NPIPB2: variants seen among roughly 807,000 people sequenced by gnomAD.
The protein encoded by NPIPB2 is nuclear pore complex interacting protein family member B2, also known as nuclear pore complex-interacting protein family member B2.
A neutral mutation model predicts 30.8 loss-of-function variants in NPIPB2; 27 were observed. That is an observed-to-expected ratio of 0.88 (90% confidence interval 0.65 to 1.21). The LOEUF (loss-of-function observed/expected upper bound fraction) is 1.21. Among genes scored for constraint, NPIPB2 ranks in the 50% most tolerant of loss-of-function variants. The probability of loss-of-function intolerance (pLI) is 0.00; values close to 1 mark genes in which losing one functional copy is unlikely to be tolerated. For synonymous variants in NPIPB2, 147 were observed against 162.0 expected (o/e 0.91, Z 0.70); for missense variants, 440 against 446.2 (o/e 0.99, Z 0.13).
At chr16:11,966,496 G>A (rs1393603289) in intron 1 of NPIPB2, among the ~76,000 whole-genome samples, 1 of 152,154 alleles carries the variant, frequency 6.6e-6, no homozygotes, top group African/African-American at 2.4e-5. Flanking sequence ...TGGTAGAGGT[G>A]AGCCATCTTC....
upstream of NPIPB2, among the ~76,000 whole-genome samples, chr16:11,945,804 G>C (rs1431800899): frequency 2.0e-5 from 3 of 152,002 alleles, no homozygotes; most frequent in Non-Finnish European, 4.4e-5. Context: ...TCAGCCCATG[G>C]GTTCTATGTT....
At chr16:11,971,310 C>T (rs2055234218) in intron 1 of NPIPB2, among the ~76,000 whole-genome samples, 1 of 152,108 alleles carries the variant, frequency 6.6e-6, no homozygotes, top group African/African-American at 2.4e-5. Context: ...TCTGAGAACA[C>T]ATACCCTAGG....
intron 1 of NPIPB2, among the ~76,000 whole-genome samples, chr16:11,972,544 C>T (rs2055242196): frequency 1.3e-5 from 2 of 151,726 alleles, no homozygotes; most frequent in Non-Finnish European, 2.9e-5. Flanking sequence ...CACTGCACTC[C>T]AGCATGAGTA....
Position 11,967,425 on chromosome 16 carries a change from G to C in NPIPB2, c.-584+9143C>G, listed in dbSNP as rs1318447774. Reference sequence around the variant, plus strand: ...GCTTGAGCCCAGGAGTTTGAATGCAGCCTGGGCAACACAGTAAGACCCCAC... The same window carrying C: ...GCTTGAGCCCAGGAGTTTGAATGCACCCTGGGCAACACAGTAAGACCCCAC... On this transcript the variant is annotated intron_variant, in intron 1 of 5. Transcript: ENST00000538896. 7 of 800,740 alleles carry C rather than the reference G, an allele frequency of 8.7e-6. No individual in the cohort carries two copies. In the Admixed American group the frequency reaches 1.1e-4, roughly 13 times the overall value. 49.6% of individuals were successfully genotyped at this position (800,740 alleles called of 1,614,324 possible).
chr16:11,959,736 G>A (rs528151846), intron 1 of NPIPB2, among the ~76,000 whole-genome samples: 11 of 152,162 alleles, frequency 7.2e-5, no homozygotes, highest in East Asian at 1.9e-4. Context: ...AAAAGTCTCC[G>A]TTTATGTCTG....
intron 1 of NPIPB2, 140 bp downstream of exon 1, chr16:11,941,843 T>A (rs1408619461): frequency 8.8e-7 from 1 of 1,134,722 alleles, no homozygotes. Context: ...CAAACCTGAT[T>A]TCTGGTCCTC....
chr16:11,974,416 C>A (rs541070113), intron 1 of NPIPB2, among the ~76,000 whole-genome samples: 1 of 152,254 alleles, frequency 6.6e-6, no homozygotes, highest in South Asian at 2.1e-4. Flanking sequence ...ACTCGGGAGG[C>A]TGAGGCAGGA....
At chr16:11,976,477 GC>G (rs2055299087) in intron 1 of NPIPB2, 1 of 319,548 alleles carries the variant, frequency 3.1e-6, no homozygotes, top group East Asian at 4.9e-5. Flanking sequence ...GGACGAAGTC[GC>G]CCCATCACTC....
chr16:11,933,999 G>A lies in NPIPB2; in HGVS notation c.193-75C>T, dbSNP rs1261128636. 3.7e-5 allele frequency: 44 copies of A among 1,181,756 alleles called. No homozygotes were observed. The Admixed American group carries it at 6.3e-4, about 17-fold the overall frequency. The allele number at this position is 1,181,756 out of a possible 1,614,324, so 73.2% of individuals were successfully genotyped here. ...TATAATCCCAGTACTTTGGGAGGCC[G>A]AGGCAGGTGGATCACGGGGTCAGGA... is the stretch of plus-strand genomic sequence containing the variant. On this transcript the variant is annotated intron_variant, in intron 2 of 7. Transcript: ENST00000399147.
At chr16:11,959,481 C>T (rs7190636) in intron 1 of NPIPB2, among the ~76,000 whole-genome samples, 20,742 of 151,692 alleles carry the variant, frequency 0.14, 2,268 homozygotes, top group African/African-American at 0.28. Context: ...TCCTAGCTAC[C>T]TGAGAGGCTG....
At chr16:11,941,612 G>A (rs1352247960) in intron 1 of NPIPB2, among the ~76,000 whole-genome samples, 2 of 43,490 alleles carry the variant, frequency 4.6e-5, no homozygotes, top group Middle Eastern at 0.012. Context: ...GGGAGACAAA[G>A]GTTCTGCTAT....
rs934487980 is a variant in NPIPB2, at chr16:11,969,823, C to T, written c.-584+6745G>A. ...TCTAACCCTTATATAGTCTTACTAA[C>T]GTGCCAGGGACTGTTCTAAGTGCTT... On this transcript the variant is annotated intron_variant, in intron 1 of 5. Coordinates refer to the NPIPB2 transcript ENST00000538896. Among the ~76,000 whole-genome samples the T allele has an allele frequency of 5.3e-5, 8 of 152,234 alleles. No homozygotes were observed. In the East Asian group the frequency reaches 5.8e-4, roughly 11 times the overall value.
chr16:11,953,826 C>T (rs2055088653), intron 1 of NPIPB2, among the ~76,000 whole-genome samples: 2 of 149,870 alleles, frequency 1.3e-5, no homozygotes, highest in Admixed American at 1.4e-4. Context: ...CAGGCGCACA[C>T]TAACATGCCT....
chr16:11,960,447 C>T (rs972705967), intron 1 of NPIPB2, among the ~76,000 whole-genome samples: 1 of 150,894 alleles, frequency 6.6e-6, no homozygotes, highest in Non-Finnish European at 1.5e-5. Flanking sequence ...ACCTCTGCCT[C>T]CCAGGTTCAA....
chr16:11,948,165 T>G (rs2055030291), intron 1 of NPIPB2, among the ~76,000 whole-genome samples: 1 of 151,010 alleles, frequency 6.6e-6, no homozygotes. Context: ...TGGGACTGAG[T>G]GGTTTCCTGG....
intron 1 of NPIPB2, chr16:11,967,061 C>T (rs137936771): frequency 4.1e-5 from 9 of 219,728 alleles, no homozygotes; most frequent in African/African-American, 1.2e-4. Flanking sequence ...AGTGCAGTGG[C>T]GTGATCTCAA....
At chr16:11,967,432 C>A in intron 1 of NPIPB2, 2 of 849,054 alleles carry the variant, frequency 2.4e-6, no homozygotes, top group South Asian at 3.5e-5. Flanking sequence ...GCAGCCTGGG[C>A]AACACAGTAA....
Position 11,947,569 on chromosome 16 carries a change from C to T in NPIPB2, c.-583-5455G>A, listed in dbSNP as rs2055024500. Among the ~76,000 whole-genome samples, 4 of 151,868 alleles carry T rather than the reference C, an allele frequency of 2.6e-5. No individual in the cohort carries two copies. In the South Asian group the frequency reaches 8.3e-4, roughly 32 times the overall value. On this transcript the variant is annotated intron_variant, in intron 1 of 5. Transcript: ENST00000538896. The stretch of plus-strand genomic sequence containing the variant: ...CCGTATTAGCCAGGAGGGTCTCAAT[C>T]TCCTGACCTCGTGATCTGCCCACCT...
chr16:11,963,658 C>T (rs1346097569), intron 1 of NPIPB2, among the ~76,000 whole-genome samples: 1 of 152,146 alleles, frequency 6.6e-6, no homozygotes, highest in African/African-American at 2.4e-5. Context: ...TAGGAGTTTG[C>T]CATTTCCTCA....
Sources: gnomAD v4.1 joint callset for allele counts (sites outside exome capture counted in the v4.1 genomes callset) on GRCh38, gnomAD v4.1.1 for gene constraint, MANE v1.5 for transcripts, NCBI Gene and HGNC (gene_info 2026-07-23, HGNC 2026-07-21) for gene names.